The following PXDNL variants were observed in gnomAD, a reference collection of about 807,000 sequenced individuals.
PXDNL encodes the protein probable oxidoreductase PXDNL.
Under a neutral mutation model 150.8 loss-of-function variants are expected in PXDNL, and 145 were observed. The ratio of observed to expected loss-of-function variants is 0.96; its 90% CI spans 0.84 to 1.10. PXDNL has a LOEUF of 1.10. PXDNL is among the 50% of genes least tolerant of loss of function. The pLI is 0.00. For missense variants in PXDNL, 2,087 were observed against 1,873.9 expected (o/e 1.11, Z -2.10); for synonymous variants, 757 against 725.7 (o/e 1.04, Z -0.69).
rs569566147 is a variant in PXDNL at position 51,735,788 on chromosome 8, C to T, written c.164+73393G>A. Among the ~76,000 whole-genome samples the T allele has an allele frequency of 1.7e-3, 262 of 151,624 alleles. 2 individuals carry two copies. The highest frequency in any genetic ancestry group is 0.014 in the South Asian group (65 of 4,788). ...GTCTCGATCTCCTGACCTCGTGATC[C>T]GCCCGCCTCGGCCTCCCAAAGTGCT... On this transcript the variant is annotated intron_variant, in intron 1 of 22. Coordinates refer to ENST00000356297, the MANE Select transcript of PXDNL (RefSeq NM_144651.5).
At chr8:51,743,227 T>C (rs1221471170) in intron 1 of PXDNL, among the ~76,000 whole-genome samples, 1 of 152,026 alleles carries the variant, frequency 6.6e-6, no homozygotes, top group Non-Finnish European at 1.5e-5. Flanking sequence ...CTTTTGTTTT[T>C]GTTTTTTTGA....
At chr8:51,656,810 A>G (rs928318866) in intron 1 of PXDNL, among the ~76,000 whole-genome samples, 4 of 152,220 alleles carry the variant, frequency 2.6e-5, no homozygotes, top group African/African-American at 9.6e-5. Flanking sequence ...CAAATTATAT[A>G]TAAAAACACA....
intron 3 of PXDNL, among the ~76,000 whole-genome samples, chr8:51,587,903 C>T (rs189914043): frequency 2.6e-5 from 4 of 152,084 alleles, no homozygotes; most frequent in Admixed American, 6.5e-5. Context: ...CATGGCCACC[C>T]GACCTCACAG....
At chr8:51,735,555 T>TTTTTTTTTTTTTG (rs1817020322) in intron 1 of PXDNL, among the ~76,000 whole-genome samples, 11 of 114,704 alleles carry the variant, frequency 9.6e-5, no homozygotes, top group African/African-American at 2.1e-4. Context: ...TTTTTTTTTT[T>TTTTTTTTTTTTTG]TTTTTTTTTG....
intron 1 of PXDNL, among the ~76,000 whole-genome samples, chr8:51,746,504 T>C (rs1441721470): frequency 6.6e-6 from 1 of 152,184 alleles, no homozygotes. Context: ...TAACTTTCTT[T>C]ATAAGGAGGG....
chr8:51,791,771 A>G (rs1393792732), intron 1 of PXDNL, among the ~76,000 whole-genome samples: 1 of 152,186 alleles, frequency 6.6e-6, no homozygotes, highest in African/African-American at 2.4e-5. Flanking sequence ...GCAAAGAAAA[A>G]TTCAATAGTG....
intron 6 of PXDNL, among the ~76,000 whole-genome samples, chr8:51,479,544 A>G (rs946172125): frequency 6.6e-6 from 1 of 152,238 alleles, no homozygotes; most frequent in African/African-American, 2.4e-5. Flanking sequence ...CAAGTAAGAA[A>G]ACTTTGGCAA....
Position 51,505,976 on chromosome 8 carries a change from A to C in PXDNL, c.381-6206T>G, listed in dbSNP as rs569884268. On this transcript the variant is annotated intron_variant, in intron 4 of 22. Coordinates refer to ENST00000356297, the MANE Select transcript of PXDNL (RefSeq NM_144651.5). ...ATTCATACTATTCAGGAATTAATTA[A>C]ACATCTGAATGAAGATCCTTATTTC... 4.8e-3 allele frequency among the ~76,000 whole-genome samples: 732 copies of C among 152,370 alleles called. 2 individuals are homozygous for C. Among genetic ancestry groups the C allele is most frequent in the Non-Finnish European group, 8.5e-3 (579 of 68,036 alleles).
intron 5 of PXDNL, 127 bp downstream of exon 5, chr8:51,499,572 T>C (rs930214370): frequency 4.7e-6 from 3 of 644,248 alleles, no homozygotes; most frequent in Non-Finnish European, 8.4e-6. Context: ...TGTTTTGTAG[T>C]GCCAAGGTAC....
chr8:51,672,550 AGCTCTTG>A (rs1281330021), intron 1 of PXDNL, among the ~76,000 whole-genome samples: 2 of 152,192 alleles, frequency 1.3e-5, no homozygotes, highest in Non-Finnish European at 2.9e-5. Flanking sequence ...AATAACCTGA[AGCTCTTG>A]GGGAAAGGTC....
chr8:51,649,126 G>A (rs1002260659), intron 2 of PXDNL, among the ~76,000 whole-genome samples: 8 of 152,024 alleles, frequency 5.3e-5, no homozygotes, highest in Non-Finnish European at 7.4e-5. Context: ...TAAAATTTCC[G>A]TGTCAAACAA....
At chr8:51,559,338 C>T (rs973995050) in intron 3 of PXDNL, among the ~76,000 whole-genome samples, 1 of 143,222 alleles carries the variant, frequency 7.0e-6, no homozygotes, top group African/African-American at 2.5e-5. Context: ...AAACCCCCCC[C>T]CCCCCCGCCA....
intron 2 of PXDNL, among the ~76,000 whole-genome samples, chr8:51,615,896 G>C (rs1814120302): frequency 6.6e-6 from 1 of 152,208 alleles, no homozygotes; most frequent in African/African-American, 2.4e-5. Context: ...TGGCAGCAGA[G>C]AATGGCCATC....
chr8:51,808,926 T>C (rs1183458607), intron 1 of PXDNL, among the ~76,000 whole-genome samples: 1 of 152,184 alleles, frequency 6.6e-6, no homozygotes, highest in East Asian at 1.9e-4. Flanking sequence ...AAGACGAGAA[T>C]TCTCAATGCT....
chr8:51,744,099 A>AAAGG (rs2036944030), intron 1 of PXDNL, among the ~76,000 whole-genome samples: 1 of 130,866 alleles, frequency 7.6e-6, no homozygotes. Flanking sequence ...GGAAGGAAAG[A>AAAGG]AAGAAAGAAA....
chr8:51,417,946 A>G (rs1426347824), intron 14 of PXDNL, among the ~76,000 whole-genome samples: 1 of 152,242 alleles, frequency 6.6e-6, no homozygotes, highest in East Asian at 1.9e-4. Flanking sequence ...GTTTAAGGTT[A>G]TGGTGCTTAG....
chr8:51,353,113 A>G (rs1169440004), intron 19 of PXDNL, among the ~76,000 whole-genome samples: 1 of 151,648 alleles, frequency 6.6e-6, no homozygotes, highest in Non-Finnish European at 1.5e-5. Context: ...CTTTGTCATT[A>G]TTGGAAAAAG....
rs538137248 is a variant in PXDNL, at chr8:51,705,849, G to A, written c.165-51089C>T. 5.5e-3 allele frequency among the ~76,000 whole-genome samples: 814 copies of A among 148,486 alleles called. 24 individuals are homozygous for A. The highest frequency in any genetic ancestry group is 0.05 in the Admixed American group (748 of 15,104). ...TGTGTGTGTGCGCGCGCGCGCGCGCGCGCGTGCATGCACATGTGTGCAGAT... is the reference window on the plus strand; with the variant it reads ...TGTGTGTGTGCGCGCGCGCGCGCGCACGCGTGCATGCACATGTGTGCAGAT... On this transcript the variant is annotated intron_variant, in intron 1 of 22. Coordinates refer to ENST00000356297, the MANE Select transcript of PXDNL (RefSeq NM_144651.5).
At chr8:51,430,603 T>C (rs1809225284) in intron 12 of PXDNL, among the ~76,000 whole-genome samples, 1 of 152,206 alleles carries the variant, frequency 6.6e-6, no homozygotes, top group African/African-American at 2.4e-5. Flanking sequence ...CTCTCTTTGT[T>C]TTCTGGAACG....
Sources: gnomAD v4.1 joint callset for allele counts (sites outside exome capture counted in the v4.1 genomes callset) on GRCh38, gnomAD v4.1.1 for gene constraint, MANE v1.5 for transcripts, NCBI Gene and HGNC (gene_info 2026-07-23, HGNC 2026-07-21) for gene names.